The following TRIT1 variants were observed in gnomAD, a reference collection of about 807,000 sequenced individuals.
TRIT1 encodes tRNA isopentenyltransferase 1.
TRIT1 carries 43 observed loss-of-function variants against 51.2 expected under a neutral mutation model. That is an observed-to-expected ratio of 0.84 (90% CI 0.66 to 1.08). The LOEUF (loss-of-function observed/expected upper bound fraction) is 1.08, where lower values mean the gene tolerates loss of function less well. Ranked by LOEUF, TRIT1 falls within the 50% of genes least tolerant of loss-of-function variation. TRIT1 has a pLI of 0.00. For synonymous variants in TRIT1, 184 were observed against 203.9 expected (o/e 0.90, Z 0.83); for missense variants, 528 against 578.4 (o/e 0.91, Z 0.89).
Position 39,838,249 on chromosome 1 carries a change from C to T in TRIT1, c.*3495G>A, listed in dbSNP as rs1416123661. The stretch of plus-strand genomic sequence containing the variant: ...TGCCCAAGTAGGTGATAATCAAATA[C>T]AGAAATTCCTGCTGGTGGCTATCCC... On this transcript the variant is annotated 3_prime_UTR_variant, in exon 11 of 11. Transcript: ENST00000316891. 6.6e-6 allele frequency among the ~76,000 whole-genome samples: 1 copy of T among 152,188 alleles called. No individual in the cohort carries two copies. The highest frequency in any genetic ancestry group is 1.5e-5 in the Non-Finnish European group (1 of 68,032).
Position 39,852,736 on chromosome 1 carries a change from C to A in TRIT1, c.555G>T (p.Val185=), listed in dbSNP as rs746178261. ...AKLHPHDKRK[V]ARSLQVFEET... ...AGCGCGCCAGGCTTTCTTACCTGGC[C>A]ACTTTGCGTTTGTCATGTGGATGCA... The change falls in exon 4 of 11, where the codon GTG becomes GTT. Residue 185 remains valine, a synonymous_variant. Transcript: ENST00000316891. 1 of 1,613,488 alleles carries A rather than the reference C, an allele frequency of 6.2e-7. No individual in the cohort carries two copies. The highest frequency in any genetic ancestry group is 2.2e-5 in the East Asian group (1 of 44,868).
chr1:39,851,685 A>G (rs966395763), intron 4 of TRIT1, among the ~76,000 whole-genome samples: 2 of 152,116 alleles, frequency 1.3e-5, no homozygotes, highest in African/African-American at 4.8e-5. Context: ...GCTCATGACT[A>G]TAATCCCAGC....
chr1:39,860,272 C>G (rs1643158262), intron 1 of TRIT1, among the ~76,000 whole-genome samples: 1 of 152,118 alleles, frequency 6.6e-6, no homozygotes, highest in Admixed American at 6.5e-5. Context: ...AACTCTTTGC[C>G]TCTTACACAT....
At chr1:39,872,524 T>C (rs1335831337) in intron 1 of TRIT1, among the ~76,000 whole-genome samples, 1 of 152,082 alleles carries the variant, frequency 6.6e-6, no homozygotes, top group Non-Finnish European at 1.5e-5. Context: ...AATTTCTTAC[T>C]CTGAGAAAGA....
At position 39,867,420 on chromosome 1, in the gene TRIT1, C is replaced by T. The variant is rs746946669; in HGVS notation, c.175-10003G>A. Among the ~76,000 whole-genome samples the T allele has an allele frequency of 1.4e-3, 220 of 152,240 alleles. 4 individuals are homozygous for T. Among genetic ancestry groups the T allele is most frequent in the East Asian group, 9.7e-4 (5 of 5,180 alleles). ...TTGGCTTCCCAAAGTGCTGGGATTACAGGGGTGAGCCACTGCGCCTGGCCA... is the reference window on the plus strand; with the variant it reads ...TTGGCTTCCCAAAGTGCTGGGATTATAGGGGTGAGCCACTGCGCCTGGCCA... On this transcript the variant is annotated intron_variant, in intron 1 of 10. Transcript: ENST00000316891.
At chr1:39,842,025 C>T in intron 10 of TRIT1, 112 bp from the exon 11 acceptor site, 2 of 1,201,864 alleles carry the variant, frequency 1.7e-6, no homozygotes, top group South Asian at 3.1e-5. Context: ...CAACAATAAA[C>T]AGCAAGATCA....
chr1:39,857,287 G>T lies in TRIT1; in HGVS notation c.305C>A (p.Ala102Glu). The T allele has an allele frequency of 6.2e-7, 1 of 1,610,964 alleles. No individual in the cohort carries two copies. ...NYTVVDFRNRATALIEDIFAR... is the reference protein window; with the variant it reads ...NYTVVDFRNRETALIEDIFAR... ...CTTTCCTAAGGATATCAGAGCAGTT[G>T]CTCTATTTCTGAAGTCCACCACTGT... is the stretch of plus-strand genomic sequence containing the variant. The change falls in exon 2 of 11, where the codon GCA (alanine) becomes GAA (glutamate). Residue 102 changes from alanine to glutamate, a missense_variant. Ala to Glu is a moderately radical substitution (Grantham distance 107). Transcript: ENST00000316891.
chr1:39,851,417 A>T (rs567860301), intron 4 of TRIT1, among the ~76,000 whole-genome samples: 1 of 152,290 alleles, frequency 6.6e-6, no homozygotes, highest in African/African-American at 2.4e-5. Flanking sequence ...GAATCATGTA[A>T]TAAAACAATA....
chr1:39,847,046 TGA>T, intron 8 of TRIT1, 172 bp downstream of exon 8: 1 of 558,088 alleles, frequency 1.8e-6, no homozygotes, highest in South Asian at 2.8e-5. Flanking sequence ...TTTTTTTTTG[TGA>T]CATCCCAAGA....
chr1:39,853,662 T>A (rs1246906693), intron 3 of TRIT1, among the ~76,000 whole-genome samples: 2 of 152,222 alleles, frequency 1.3e-5, no homozygotes, highest in Non-Finnish European at 2.9e-5. Flanking sequence ...GCCACCCACC[T>A]TGGCCTCCCA....
At chr1:39,866,798 C>T (rs1203812558) in intron 1 of TRIT1, among the ~76,000 whole-genome samples, 1 of 152,002 alleles carries the variant, frequency 6.6e-6, no homozygotes, top group African/African-American at 2.4e-5. Flanking sequence ...ACAAAGACCC[C>T]ATGTCTACAA....
intron 1 of TRIT1, among the ~76,000 whole-genome samples, chr1:39,869,991 G>A (rs1250266898): frequency 6.6e-6 from 1 of 152,164 alleles, no homozygotes; most frequent in African/African-American, 2.4e-5. Context: ...CTCTCCGGCC[G>A]CCACCCCGTC....
At chr1:39,856,211 C>A (rs1043150570) in intron 2 of TRIT1, among the ~76,000 whole-genome samples, 2 of 152,052 alleles carry the variant, frequency 1.3e-5, no homozygotes, top group African/African-American at 4.8e-5. Context: ...GAGGATGAGG[C>A]AGGGGAATCA....
intron 1 of TRIT1, among the ~76,000 whole-genome samples, chr1:39,868,734 G>GAT (rs1344653648): frequency 3.3e-5 from 5 of 151,562 alleles, no homozygotes; most frequent in Admixed American, 1.3e-4. Flanking sequence ...CTTCACCAAG[G>GAT]ATATACAGAT....
intron 1 of TRIT1, among the ~76,000 whole-genome samples, chr1:39,872,472 G>T (rs1025357680): frequency 6.6e-6 from 1 of 152,008 alleles, no homozygotes; most frequent in Non-Finnish European, 1.5e-5. Flanking sequence ...TGAAACTACA[G>T]GTTACACAAA....
intron 1 of TRIT1, among the ~76,000 whole-genome samples, chr1:39,869,839 C>T (rs1210403952): frequency 4.6e-5 from 7 of 151,980 alleles, no homozygotes; most frequent in African/African-American, 1.4e-4. Context: ...GCAGCCGCCC[C>T]GTCTGGGAAG....
At chr1:39,850,745 G>A (rs1379360288) in intron 4 of TRIT1, among the ~76,000 whole-genome samples, 1 of 152,184 alleles carries the variant, frequency 6.6e-6, no homozygotes, top group Non-Finnish European at 1.5e-5. Flanking sequence ...CAGATAAACA[G>A]TAAAAGAGCT....
At chr1:39,872,462 T>C (rs899572789) in intron 1 of TRIT1, among the ~76,000 whole-genome samples, 1 of 152,102 alleles carries the variant, frequency 6.6e-6, no homozygotes, top group African/African-American at 2.4e-5. Context: ...GAGTAATCAC[T>C]GAAACTACAG....
At chr1:39,859,751 T>C (rs1005947681) in intron 1 of TRIT1, among the ~76,000 whole-genome samples, 5 of 152,222 alleles carry the variant, frequency 3.3e-5, no homozygotes, top group African/African-American at 1.2e-4. Flanking sequence ...AGCAACAACT[T>C]GATTTTGCTA....
Sources: allele counts gnomAD v4.1 joint callset (sites outside exome capture counted in the v4.1 genomes callset), GRCh38; gene constraint gnomAD v4.1.1; transcripts MANE v1.5; gene names NCBI Gene and HGNC (gene_info 2026-07-23, HGNC 2026-07-21).